The following MMS22L variants were observed in gnomAD, a reference collection of about 807,000 sequenced individuals.
MMS22L encodes the protein MMS22 like, DNA repair protein.
In MMS22L, 74 loss-of-function variants were observed where a neutral mutation model predicts 159.1. The ratio of observed to expected loss-of-function variants is 0.47; its 90% CI spans 0.39 to 0.56. The LOEUF is 0.56. Ranked by LOEUF, MMS22L falls within the 20% of genes least tolerant of loss-of-function variation. MMS22L has a pLI of 0.00. For missense variants in MMS22L, 1,351 were observed against 1,422.1 expected, an observed-to-expected ratio of 0.95 and a Z score of 0.80; for synonymous variants, 517 against 506.9, an observed-to-expected ratio of 1.02 and a Z score of -0.27.
chr6:97,252,909 T>C (rs554838350), intron 10 of MMS22L, among the ~76,000 whole-genome samples: 2 of 152,314 alleles, frequency 1.3e-5, no homozygotes, highest in South Asian at 2.1e-4. Flanking sequence ...AATTAAAAGA[T>C]GTGAAATCAC....
rs912546142 is a variant in MMS22L at position 97,253,923 on chromosome 6, A to G, written c.1119+634T>C. 3 of 152,402 alleles carry G rather than the reference A, an allele frequency of 2.0e-5. No individual in the cohort carries two copies. In the South Asian group the frequency reaches 6.2e-4, roughly 32 times the overall value. The allele number at this position is 152,402 out of a possible 1,614,324, so 9.4% of individuals were successfully genotyped here. A position where few individuals can be genotyped will look rare whatever the true frequency, so the allele number is the denominator to read the frequency against. On this transcript the variant is annotated intron_variant, in intron 10 of 24. Coordinates refer to ENST00000683635, the MANE Select transcript of MMS22L (RefSeq NM_001350599.2). ...GCTGATACAATAATACAATACTATT[A>G]ATTTCTGAATATGGTAGAAATTGTA...
chr6:97,167,862 T>G (rs995912173), intron 20 of MMS22L, among the ~76,000 whole-genome samples: 3 of 151,906 alleles, frequency 2.0e-5, no homozygotes, highest in African/African-American at 7.3e-5. Context: ...CTCATCTACC[T>G]CCTCTCTCAA....
At position 97,152,835 on chromosome 6, in the gene MMS22L, T is replaced by C. The variant is rs992614461; in HGVS notation, c.3386-968A>G. ...TTTTTTTTTTTAAAAAAAATGAGTA[T>C]TTTCTTTTTTTTTTTTTTAAGAGGC... On this transcript the variant is annotated intron_variant, in intron 22 of 24. Transcript: ENST00000683635. 2.1e-4 allele frequency among the ~76,000 whole-genome samples: 32 copies of C among 151,046 alleles called. No homozygotes were observed. The East Asian group carries it at 4.4e-3, about 21-fold the overall frequency.
intron 9 of MMS22L, chr6:97,261,967 C>T (rs1440361144): frequency 6.6e-6 from 1 of 152,112 alleles, no homozygotes; most frequent in East Asian, 1.9e-4. Flanking sequence ...TGTAAACCCA[C>T]ATAAGGGCTA....
intron 14 of MMS22L, among the ~76,000 whole-genome samples, chr6:97,199,690 T>C (rs977417819): frequency 1.3e-4 from 20 of 151,838 alleles, no homozygotes; most frequent in African/African-American, 4.4e-4. Flanking sequence ...TCAGCTCCAA[T>C]AGTGACTTGT....
intron 11 of MMS22L, among the ~76,000 whole-genome samples, chr6:97,241,563 A>AT (rs1812077402): frequency 6.6e-6 from 1 of 151,918 alleles, no homozygotes; most frequent in Non-Finnish European, 1.5e-5. Context: ...GATGTTGAGC[A>AT]TTTTTTCATC....
intron 14 of MMS22L, among the ~76,000 whole-genome samples, chr6:97,220,957 G>GACACACAC (rs71012586): frequency 1.4e-4 from 20 of 143,604 alleles, no homozygotes; most frequent in East Asian, 8.6e-4. Flanking sequence ...TAAGACCCCT[G>GACACACAC]ACACACACAC....
intron 22 of MMS22L, among the ~76,000 whole-genome samples, chr6:97,161,106 G>A (rs1221344719): frequency 6.6e-6 from 1 of 151,982 alleles, no homozygotes; most frequent in Non-Finnish European, 1.5e-5. Context: ...TATATGGATT[G>A]TATGTGTCTG....
intron 11 of MMS22L, among the ~76,000 whole-genome samples, chr6:97,245,744 A>G (rs1582772818): frequency 6.6e-6 from 1 of 152,064 alleles, no homozygotes; most frequent in South Asian, 2.1e-4. Flanking sequence ...GATTCATATT[A>G]TAACTAAATG....
At chr6:97,194,220 G>A (rs1029762612) in intron 14 of MMS22L, among the ~76,000 whole-genome samples, 9 of 151,660 alleles carry the variant, frequency 5.9e-5, no homozygotes, top group Non-Finnish European at 1.3e-4. Context: ...ACCATGCTCC[G>A]CTAATTTTTG....
rs1582888678 is a variant in MMS22L at position 97,281,092 on chromosome 6, T to A, written c.290+145A>T. Reference sequence around the variant, plus strand: ...TTACTCATCAGGCATTGCTGCTTGATTATTGTTACTGGTAAGATAATCAAG... The same window carrying A: ...TTACTCATCAGGCATTGCTGCTTGAATATTGTTACTGGTAAGATAATCAAG... On this transcript the variant is annotated intron_variant, in intron 3 of 24. Coordinates refer to ENST00000683635, the MANE Select transcript of MMS22L (RefSeq NM_001350599.2). The A allele has an allele frequency of 9.9e-6, 7 of 710,610 alleles. No individual in the cohort carries two copies. The South Asian group carries it at 1.9e-4, about 20-fold the overall frequency. The allele number at this position is 710,610 out of a possible 1,614,324, so 44.0% of individuals were successfully genotyped here.
chr6:97,282,195 A>C, intron 2 of MMS22L, 119 bp downstream of exon 2: 1 of 953,388 alleles, frequency 1.0e-6, no homozygotes, highest in Non-Finnish European at 1.6e-6. Flanking sequence ...ATGATATACT[A>C]AGCTGATTTA....
Position 97,245,880 on chromosome 6 carries a change from CACACACACACAT to C in MMS22L, c.1182+736_1182+747del, listed in dbSNP as rs1310227241. ...ACACACACACACACACACACACACA[CACACACACACAT>C]ATAAAGCAATATTATACTACAATAT... On this transcript the variant is annotated intron_variant, in intron 11 of 24. Coordinates refer to ENST00000683635, the MANE Select transcript of MMS22L (RefSeq NM_001350599.2). 5.2e-4 allele frequency: 97 copies of C among 186,746 alleles called. 4 individuals are homozygous for C. The highest frequency in any genetic ancestry group is 1.4e-3 in the African/African-American group (52 of 36,464). The allele number at this position is 186,746 out of a possible 1,614,324, so 11.6% of individuals were successfully genotyped here. A position where few individuals can be genotyped will look rare whatever the true frequency, so the allele number is the denominator to read the frequency against.
At chr6:97,201,346 G>A (rs1254954509) in intron 14 of MMS22L, among the ~76,000 whole-genome samples, 11 of 152,076 alleles carry the variant, frequency 7.2e-5, no homozygotes, top group South Asian at 6.2e-4. Context: ...ATGTGGTTAC[G>A]TTAGGCTTCA....
chr6:97,190,957 C>G (rs746510592), intron 14 of MMS22L, among the ~76,000 whole-genome samples: 9 of 152,156 alleles, frequency 5.9e-5, no homozygotes, highest in African/African-American at 2.2e-4. Flanking sequence ...GGTGTTCCTA[C>G]GCTTCTATTT....
At position 97,197,740 on chromosome 6, in the gene MMS22L, A is replaced by G. The variant is rs373567804; in HGVS notation, c.2040-11050T>C. Among the ~76,000 whole-genome samples, 22 of 152,316 alleles carry G rather than the reference A, an allele frequency of 1.4e-4. No homozygotes were observed. In the East Asian group the frequency reaches 4.2e-3, roughly 29 times the overall value. On this transcript the variant is annotated intron_variant, in intron 14 of 24. Transcript: ENST00000683635. ...AGTTAGGAATTGGTGACTAAAAAAG[A>G]AAGTTAGAATACAAGCAACAGTGTG...
intron 17 of MMS22L, among the ~76,000 whole-genome samples, chr6:97,178,880 A>C (rs569545432): frequency 6.6e-6 from 1 of 152,272 alleles, no homozygotes; most frequent in South Asian, 2.1e-4. Flanking sequence ...ACAAGTGGCC[A>C]CAAACAATAG....
At chr6:97,173,449 A>G in intron 18 of MMS22L, among the ~76,000 whole-genome samples, 1 of 152,142 alleles carries the variant, frequency 6.6e-6, no homozygotes, top group East Asian at 1.9e-4. Flanking sequence ...GAAATCTTAA[A>G]AACTCACCAA....
rs201347974 is a variant in MMS22L at position 97,215,200 on chromosome 6, TATA to T, written c.2039+13691_2039+13693del. On this transcript the variant is annotated intron_variant, in intron 14 of 24. Transcript: ENST00000683635. ...AAACCAACAAGGAGGATTTTTTCTT[TATA>T]ATATTTTACTAGTTTCCAGGAAAAC... Among the ~76,000 whole-genome samples, 11 of 151,852 alleles carry T rather than the reference TATA, an allele frequency of 7.2e-5. No homozygotes were observed. The East Asian group carries it at 2.1e-3, about 29-fold the overall frequency.
Sources: allele counts gnomAD v4.1 joint callset (sites outside exome capture counted in the v4.1 genomes callset), GRCh38; gene constraint gnomAD v4.1.1; transcripts MANE v1.5; gene names NCBI Gene and HGNC (gene_info 2026-07-23, HGNC 2026-07-21).